Variants in PLCB4 observed in about 807,000 individuals in gnomAD.
PLCB4 encodes phospholipase C beta 4.
A neutral mutation model predicts 178.8 loss-of-function variants in PLCB4; 77 were observed. The ratio of observed to expected loss-of-function variants is 0.43; its 90% CI spans 0.36 to 0.52. The LOEUF is 0.52. Among genes scored for constraint, PLCB4 ranks in the 20% least tolerant of loss-of-function variants. The pLI, the probability that PLCB4 is intolerant of heterozygous loss-of-function variation, is 0.00. For synonymous variants in PLCB4, 496 were observed against 490.8 expected (o/e 1.01, Z -0.14); for missense variants, 1,024 against 1,453.4 (o/e 0.70, Z 4.80).
rs1173373963 is a variant in PLCB4, at chr20:9,191,876, GTA to G, written c.-78-25512_-78-25511del. Among the ~76,000 whole-genome samples, 3 of 147,406 alleles carry G rather than the reference GTA, an allele frequency of 2.0e-5. 1 individual carries two copies. The highest frequency in any genetic ancestry group is 2.0e-4 in the Admixed American group (3 of 14,986). On this transcript the variant is annotated intron_variant, in intron 2 of 39. Transcript: ENST00000378473. ...CTATGTCCAGATATTAATTCATTCT[GTA>G]TGTTTTTTTTTTTTTTTAAATATAC...
At chr20:9,296,228 A>G (rs1189869738) in intron 3 of PLCB4, among the ~76,000 whole-genome samples, 1 of 152,198 alleles carries the variant, frequency 6.6e-6, no homozygotes, top group Non-Finnish European at 1.5e-5. Context: ...AAAAGACGAC[A>G]TTTATGCAGC....
chr20:9,451,008 G>A (rs1169082109), intron 32 of PLCB4, among the ~76,000 whole-genome samples: 3 of 152,108 alleles, frequency 2.0e-5, no homozygotes, highest in Admixed American at 6.6e-5. Context: ...TGTTACACAA[G>A]GGCAGTTGTT....
intron 30 of PLCB4, among the ~76,000 whole-genome samples, chr20:9,438,380 A>AAAAG (rs1400111873): frequency 2.0e-5 from 3 of 149,476 alleles, no homozygotes; most frequent in Non-Finnish European, 4.4e-5. Flanking sequence ...AAAAAAAAAA[A>AAAAG]AAAGAAAGAA....
rs1463221774 is a variant in PLCB4 at position 9,419,743 on chromosome 20, A to G, written c.2052-64A>G. On this transcript the variant is annotated intron_variant, in intron 25 of 39. Transcript: ENST00000378473. ...GAGAAAAGGAAGCATCCATTGTTTC[A>G]ACTAGCGAGTGTTTTAGTCTTTGTA... The G allele has an allele frequency of 5.1e-6, 5 of 985,402 alleles. No individual in the cohort carries two copies. The Admixed American group carries it at 5.1e-5, about 10-fold the overall frequency. 61.0% of individuals were successfully genotyped at this position (985,402 alleles called of 1,614,324 possible). A position where few individuals can be genotyped will look rare whatever the true frequency, so the allele number is the denominator to read the frequency against.
intron 2 of PLCB4, among the ~76,000 whole-genome samples, chr20:9,105,324 T>C (rs932552637): frequency 1.3e-5 from 2 of 152,124 alleles, no homozygotes; most frequent in Non-Finnish European, 2.9e-5. Context: ...AACTGAATTG[T>C]AGGACATAAA....
At chr20:9,325,316 T>C (rs1387895825) in intron 4 of PLCB4, among the ~76,000 whole-genome samples, 1 of 152,196 alleles carries the variant, frequency 6.6e-6, no homozygotes, top group African/African-American at 2.4e-5. Flanking sequence ...AATTTTTCCT[T>C]ATTTTAGTTG....
intron 3 of PLCB4, among the ~76,000 whole-genome samples, chr20:9,289,329 C>T (rs1324394317): frequency 1.3e-5 from 2 of 151,910 alleles, no homozygotes; most frequent in African/African-American, 4.8e-5. Context: ...TAAGTTTTCT[C>T]TATCATATTT....
At chr20:9,384,713 T>C (rs1011450989) in intron 14 of PLCB4, among the ~76,000 whole-genome samples, 6 of 151,936 alleles carry the variant, frequency 3.9e-5, no homozygotes, top group African/African-American at 1.5e-4. Flanking sequence ...GAGTTTTTTG[T>C]TGATTATAGG....
intron 36 of PLCB4, among the ~76,000 whole-genome samples, chr20:9,472,404 T>C (rs1029522964): frequency 1.3e-5 from 2 of 152,216 alleles, no homozygotes; most frequent in Non-Finnish European, 2.9e-5. Flanking sequence ...CATCTGTATG[T>C]GGTTTAAAAT....
At chr20:9,172,398 G>A (rs1157236838) in intron 2 of PLCB4, among the ~76,000 whole-genome samples, 3 of 152,120 alleles carry the variant, frequency 2.0e-5, no homozygotes, top group Non-Finnish European at 2.9e-5. Context: ...ACCTCACCTT[G>A]CTGAAGCTTT....
intron 12 of PLCB4, among the ~76,000 whole-genome samples, chr20:9,376,390 G>A (rs868033272): frequency 6.6e-5 from 10 of 152,114 alleles, no homozygotes; most frequent in East Asian, 1.9e-4. Flanking sequence ...ATATGAGAGC[G>A]ACATATACCT....
At chr20:9,387,440 T>C in intron 14 of PLCB4, 23 bp from the exon 15 acceptor site, 1 of 1,210,158 alleles carries the variant, frequency 8.3e-7, no homozygotes, top group Non-Finnish European at 1.2e-6. Flanking sequence ...AGTTTCAATA[T>C]TGTAACTTCA....
intron 2 of PLCB4, among the ~76,000 whole-genome samples, chr20:9,145,603 G>T (rs1217167118): frequency 1.3e-5 from 2 of 151,724 alleles, no homozygotes; most frequent in African/African-American, 2.4e-5. Context: ...GGGAGAGAAT[G>T]TTCAGCAAAA....
chr20:9,382,224 A>T (rs1313972016), intron 13 of PLCB4, among the ~76,000 whole-genome samples: 4 of 152,194 alleles, frequency 2.6e-5, no homozygotes, highest in African/African-American at 9.7e-5. Context: ...CCTCAAAAGA[A>T]ATCCTAAATA....
chr20:9,297,287 G>A (rs558616665), intron 3 of PLCB4, among the ~76,000 whole-genome samples: 3 of 151,926 alleles, frequency 2.0e-5, no homozygotes, highest in East Asian at 1.9e-4. Flanking sequence ...GTGTGTACAC[G>A]TGTTCTCACT....
At chr20:9,252,074 A>T (rs2094187120) in intron 3 of PLCB4, among the ~76,000 whole-genome samples, 1 of 152,248 alleles carries the variant, frequency 6.6e-6, no homozygotes, top group Admixed American at 6.5e-5. Context: ...CATAAAAGTC[A>T]CAATTAAAAG....
At chr20:9,098,955 A>G (rs1001276779) in intron 2 of PLCB4, among the ~76,000 whole-genome samples, 5 of 151,282 alleles carry the variant, frequency 3.3e-5, no homozygotes, top group African/African-American at 9.7e-5. Context: ...GTATATATAT[A>G]TGACTATTTT....
intron 32 of PLCB4, among the ~76,000 whole-genome samples, chr20:9,445,355 G>C (rs1278559588): frequency 6.6e-6 from 1 of 152,168 alleles, no homozygotes; most frequent in Non-Finnish European, 1.5e-5. Context: ...TTGCATTCCT[G>C]TTTCTTTATT....
intron 7 of PLCB4, among the ~76,000 whole-genome samples, chr20:9,357,081 C>T (rs1188778058): frequency 6.6e-6 from 1 of 152,136 alleles, no homozygotes; most frequent in Non-Finnish European, 1.5e-5. Flanking sequence ...GTGGCCACTG[C>T]ACTCCAGCCT....
Sources: allele counts gnomAD v4.1 joint callset (sites outside exome capture counted in the v4.1 genomes callset), GRCh38; gene constraint gnomAD v4.1.1; transcripts MANE v1.5; gene names NCBI Gene and HGNC (gene_info 2026-07-23, HGNC 2026-07-21).